The following SH3RF1 variants were observed in gnomAD, a reference collection of about 807,000 sequenced individuals.
SH3RF1 encodes E3 ubiquitin-protein ligase SH3RF1.
SH3RF1 carries 32 observed loss-of-function variants against 74.0 expected under a neutral mutation model. The ratio of observed to expected loss-of-function variants is 0.43; its 90% CI spans 0.33 to 0.58. The LOEUF (loss-of-function observed/expected upper bound fraction) is 0.58, where lower values mean the gene tolerates loss of function less well. SH3RF1 is among the 20% of genes least tolerant of loss of function. SH3RF1 has a pLI of 0.05. For synonymous variants in SH3RF1, 396 were observed against 439.6 expected, an observed-to-expected ratio of 0.90 and a Z score of 1.24; for missense variants, 954 against 1,130.9, an observed-to-expected ratio of 0.84 and a Z score of 2.24.
At chr4:169,261,430 T>G in intron 2 of SH3RF1, among the ~76,000 whole-genome samples, 1 of 152,178 alleles carries the variant, frequency 6.6e-6, no homozygotes, top group Non-Finnish European at 1.5e-5. Context: ...GGGAAAATGT[T>G]TGTCACTTAA....
chr4:169,237,464 A>T (rs1730838693), intron 2 of SH3RF1, among the ~76,000 whole-genome samples: 1 of 152,192 alleles, frequency 6.6e-6, no homozygotes. Flanking sequence ...AATACAGCCC[A>T]ACCCCATCTC....
intron 2 of SH3RF1, among the ~76,000 whole-genome samples, chr4:169,171,720 A>G (rs1471627462): frequency 1.3e-5 from 2 of 152,230 alleles, no homozygotes; most frequent in Non-Finnish European, 2.9e-5. Flanking sequence ...TATAACAATT[A>G]TGCAAGGAAG....
At chr4:169,192,342 C>T (rs1259039264) in intron 2 of SH3RF1, among the ~76,000 whole-genome samples, 3 of 151,214 alleles carry the variant, frequency 2.0e-5, no homozygotes, top group East Asian at 1.9e-4. Flanking sequence ...ATAGACAGTT[C>T]GCAAAAGAAG....
intron 2 of SH3RF1, among the ~76,000 whole-genome samples, chr4:169,252,506 T>C (rs543759952): frequency 6.6e-6 from 1 of 152,376 alleles, no homozygotes; most frequent in African/African-American, 2.4e-5. Context: ...ATCTAATTAC[T>C]CCCTACCATC....
chr4:169,117,566 C>T lies in SH3RF1; in HGVS notation c.1734G>A (p.Thr578=), dbSNP rs764182100. ...GGGCCTGGTTGACTGTCATTTGCCCCGTCATGTGCAACAAGACCTTAGCCT... is the reference window on the plus strand; with the variant it reads ...GGGCCTGGTTGACTGTCATTTGCCCTGTCATGTGCAACAAGACCTTAGCCT... ...SPQAKVLLHM[T]GQMTVNQARN... The change falls in exon 9 of 12, where the codon ACG becomes ACA. Residue 578 remains threonine (T), a synonymous_variant. Coordinates refer to ENST00000284637, the MANE Select transcript of SH3RF1 (RefSeq NM_020870.4). 70 of 1,614,112 alleles carry T rather than the reference C, an allele frequency of 4.3e-5. No homozygotes were observed. The highest frequency in any genetic ancestry group is 8.0e-5 in the African/African-American group (6 of 74,944).
intron 4 of SH3RF1, among the ~76,000 whole-genome samples, chr4:169,147,128 T>A (rs1733906308): frequency 6.6e-6 from 1 of 152,210 alleles, no homozygotes; most frequent in African/African-American, 2.4e-5. Context: ...CTTCACTGTG[T>A]TTACTGGTTC....
chr4:169,134,455 C>A (rs1579099583), intron 5 of SH3RF1, among the ~76,000 whole-genome samples: 1 of 152,346 alleles, frequency 6.6e-6, no homozygotes, highest in Non-Finnish European at 1.5e-5. Context: ...TGTCCACTCT[C>A]TTAAAGCTAT....
At chr4:169,192,796 T>TTA (rs56840426) in intron 2 of SH3RF1, among the ~76,000 whole-genome samples, 97 of 148,518 alleles carry the variant, frequency 6.5e-4, no homozygotes, top group Non-Finnish European at 7.9e-4. Context: ...TATGTTTCTT[T>TTA]TATATATATA....
chr4:169,219,838 G>A (rs758612925), intron 2 of SH3RF1, among the ~76,000 whole-genome samples: 3 of 151,956 alleles, frequency 2.0e-5, no homozygotes, highest in East Asian at 1.9e-4. Context: ...TTTACATGTC[G>A]CCCTGTATGC....
rs546735754 is a variant in SH3RF1 at position 169,241,759 on chromosome 4, G to T, written c.393+27061C>A. Among the ~76,000 whole-genome samples the T allele has an allele frequency of 7.4e-4, 112 of 152,320 alleles. 1 individual carries two copies. The South Asian group carries it at 0.017, about 23-fold the overall frequency. On this transcript the variant is annotated intron_variant, in intron 2 of 11. Coordinates refer to ENST00000284637, the MANE Select transcript of SH3RF1 (RefSeq NM_020870.4). ...GGGCAGAACTTGACCTTGCAGCATG[G>T]TTACTGAGATACTGCACTTCTTGGG...
At chr4:169,098,043 G>C (rs947850561) in intron 11 of SH3RF1, among the ~76,000 whole-genome samples, 2 of 152,246 alleles carry the variant, frequency 1.3e-5, no homozygotes, top group Non-Finnish European at 2.9e-5. Context: ...TCAGGCTGAT[G>C]TCTTGACTAC....
intron 2 of SH3RF1, among the ~76,000 whole-genome samples, chr4:169,264,759 G>A (rs544485700): frequency 6.6e-6 from 1 of 152,144 alleles, no homozygotes; most frequent in Non-Finnish European, 1.5e-5. Context: ...ACCCTACGTG[G>A]CCCTTGGGGC....
intron 5 of SH3RF1, 146 bp downstream of exon 5, chr4:169,136,172 A>C: frequency 1.2e-6 from 1 of 837,868 alleles, no homozygotes; most frequent in East Asian, 2.8e-5. Flanking sequence ...CACTTACAAA[A>C]TGAAGACAGG....
At chr4:169,154,085 G>A (rs1734014676) in intron 4 of SH3RF1, among the ~76,000 whole-genome samples, 1 of 152,148 alleles carries the variant, frequency 6.6e-6, no homozygotes, top group Admixed American at 6.6e-5. Flanking sequence ...ATGCTCTTCA[G>A]TGTAACTATT....
At chr4:169,158,232 TC>T (rs1734092386) in intron 2 of SH3RF1, among the ~76,000 whole-genome samples, 1 of 152,124 alleles carries the variant, frequency 6.6e-6, no homozygotes, top group African/African-American at 2.4e-5. Flanking sequence ...ATGAAACACT[TC>T]CTGGAGGAAG....
intron 7 of SH3RF1, among the ~76,000 whole-genome samples, chr4:169,121,720 T>C (rs1328216400): frequency 2.6e-5 from 4 of 152,238 alleles, no homozygotes; most frequent in African/African-American, 2.4e-5. Context: ...TAAACTTTTC[T>C]GGATACTCAT....
intron 9 of SH3RF1, 54 bp from the exon 10 acceptor site, chr4:169,116,684 C>T (rs1733340419): frequency 2.7e-6 from 4 of 1,492,980 alleles, no homozygotes. Context: ...ATAGATGCTG[C>T]TCACCAAAAC....
intron 2 of SH3RF1, among the ~76,000 whole-genome samples, chr4:169,205,816 T>C (rs955776464): frequency 1.3e-5 from 2 of 152,184 alleles, no homozygotes; most frequent in African/African-American, 4.8e-5. Flanking sequence ...ACCACAGATA[T>C]AGACATGTAC....
At chr4:169,232,775 T>C (rs1049591023) in intron 2 of SH3RF1, among the ~76,000 whole-genome samples, 1 of 152,120 alleles carries the variant, frequency 6.6e-6, no homozygotes, top group African/African-American at 2.4e-5. Flanking sequence ...ACTAGATATG[T>C]TTTTACCCCT....
Sources: gnomAD v4.1 joint callset for allele counts (sites outside exome capture counted in the v4.1 genomes callset) on GRCh38, gnomAD v4.1.1 for gene constraint, MANE v1.5 for transcripts, NCBI Gene and HGNC (gene_info 2026-07-23, HGNC 2026-07-21) for gene names.